EML6: variants seen among roughly 807,000 people sequenced by gnomAD.
EML6 encodes EMAP like 6, also known as echinoderm microtubule-associated protein-like 6.
A neutral mutation model predicts 240.1 loss-of-function variants in EML6; 154 were observed. That is an observed-to-expected ratio of 0.64 (90% CI 0.56 to 0.73). The LOEUF is 0.73. Among genes scored for constraint, EML6 ranks in the 30% least tolerant of loss-of-function variants. The pLI is 0.00. For missense variants in EML6, 2,964 were observed against 2,474.6 expected, an observed-to-expected ratio of 1.20 and a Z score of -4.20; for synonymous variants, 1,148 against 899.0, an observed-to-expected ratio of 1.28 and a Z score of -4.95.
intron 28 of EML6, among the ~76,000 whole-genome samples, chr2:54,932,479 C>G (rs573406798): frequency 6.6e-6 from 1 of 152,320 alleles, no homozygotes; most frequent in South Asian, 2.1e-4. Context: ...CCTTCCAAAC[C>G]TTCCCACCTC....
At chr2:54,899,377 A>G (rs1256209227) in intron 21 of EML6, among the ~76,000 whole-genome samples, 3 of 152,254 alleles carry the variant, frequency 2.0e-5, no homozygotes, top group East Asian at 3.8e-4. Flanking sequence ...GTTTGGCATC[A>G]TATAAACAAA....
At chr2:54,831,711 A>T (rs1204647251) in intron 7 of EML6, among the ~76,000 whole-genome samples, 1 of 152,128 alleles carries the variant, frequency 6.6e-6, no homozygotes, top group Non-Finnish European at 1.5e-5. Flanking sequence ...GGTAGCCTGC[A>T]TTTTGTAGGG....
chr2:54,731,408 G>T (rs1246658639), intron 2 of EML6, among the ~76,000 whole-genome samples: 1 of 152,156 alleles, frequency 6.6e-6, no homozygotes, highest in Non-Finnish European at 1.5e-5. Flanking sequence ...GGGAGGCTGA[G>T]GTGGGAGGAT....
At chr2:54,842,905 T>C (rs564138680) in intron 7 of EML6, among the ~76,000 whole-genome samples, 1 of 152,374 alleles carries the variant, frequency 6.6e-6, no homozygotes, top group Admixed American at 6.5e-5. Flanking sequence ...GTATTTTCAC[T>C]GATAAATGTT....
intron 2 of EML6, among the ~76,000 whole-genome samples, chr2:54,801,176 C>T (rs760610017): frequency 3.3e-5 from 5 of 151,774 alleles, no homozygotes; most frequent in East Asian, 3.9e-4. Flanking sequence ...AAAAATCAGC[C>T]GGGCATGGTG....
intron 2 of EML6, among the ~76,000 whole-genome samples, chr2:54,801,391 A>G (rs1020984475): frequency 1.3e-5 from 2 of 152,160 alleles, no homozygotes; most frequent in Non-Finnish European, 2.9e-5. Flanking sequence ...ATATGAAGTA[A>G]TGAAAAGTGG....
intron 26 of EML6, among the ~76,000 whole-genome samples, chr2:54,918,167 C>A (rs554491677): frequency 6.6e-6 from 1 of 152,260 alleles, no homozygotes; most frequent in South Asian, 2.1e-4. Flanking sequence ...AGTGTTCCAT[C>A]CTATCTGTAT....
chr2:54,841,099 AGGGGGG>A (rs5831323), intron 7 of EML6, among the ~76,000 whole-genome samples: 1 of 152,076 alleles, frequency 6.6e-6, no homozygotes, highest in Non-Finnish European at 1.5e-5. Context: ...CAGGACAAGG[AGGGGGG>A]GCTGTGGCAA....
intron 5 of EML6, among the ~76,000 whole-genome samples, chr2:54,822,536 T>C (rs898280486): frequency 2.0e-5 from 3 of 152,304 alleles, no homozygotes; most frequent in East Asian, 1.9e-4. Context: ...TTGAATAAAA[T>C]GTTACATCCA....
At chr2:54,834,946 C>G (rs1225447863) in intron 7 of EML6, among the ~76,000 whole-genome samples, 1 of 152,208 alleles carries the variant, frequency 6.6e-6, no homozygotes, top group Non-Finnish European at 1.5e-5. Context: ...TTGCTTTCCT[C>G]AAAACCCTGC....
intron 23 of EML6, 75 bp from the exon 24 acceptor site, chr2:54,903,296 T>G: frequency 6.5e-7 from 1 of 1,528,004 alleles, no homozygotes; most frequent in Non-Finnish European, 8.8e-7. Flanking sequence ...TTTTCCCACT[T>G]TTAAAATACT....
intron 2 of EML6, among the ~76,000 whole-genome samples, chr2:54,812,704 A>C (rs1322667708): frequency 6.6e-6 from 1 of 152,190 alleles, no homozygotes; most frequent in Non-Finnish European, 1.5e-5. Flanking sequence ...TGGAAACTTT[A>C]ACTTAAAATT....
At chr2:54,863,932 G>C in intron 13 of EML6, 43 bp downstream of exon 13, 1 of 1,061,780 alleles carries the variant, frequency 9.4e-7, no homozygotes, top group Non-Finnish European at 1.4e-6. Context: ...CCCCAGAAGG[G>C]GATCTCATTC....
chr2:54,964,138 A>G lies in EML6; in HGVS notation c.5310A>G (p.Lys1770=), dbSNP rs1676647775. The change falls in exon 37 of 42, where the codon AAA becomes AAG. Residue 1770 remains lysine, a synonymous_variant. Coordinates refer to ENST00000356458, the MANE Select transcript of EML6 (RefSeq NM_001039753.4). Reference sequence around the variant, plus strand: ...TTTGGGGGAAAAAACGAGACCGGAAATCTGCTATCCAAGATATCAGGTACC... The same window carrying G: ...TTTGGGGGAAAAAACGAGACCGGAAGTCTGCTATCCAAGATATCAGGTACC... The part of the protein sequence containing the change: ...LKVWGKKRDR[K]SAIQDIRISP... 3 of 1,551,568 alleles carry G rather than the reference A, an allele frequency of 1.9e-6. No homozygotes were observed. Among genetic ancestry groups the G allele is most frequent in the Admixed American group, 2.0e-5 (1 of 50,984 alleles).
At chr2:54,732,620 C>G (rs80048054) in intron 2 of EML6, among the ~76,000 whole-genome samples, 3,568 of 152,198 alleles carry the variant, frequency 0.023, 91 homozygotes, top group South Asian at 0.13. Flanking sequence ...ACTAACTTCT[C>G]CCATGTAGAA....
chr2:54,933,565 C>G (rs574048867), intron 28 of EML6, among the ~76,000 whole-genome samples: 1 of 152,192 alleles, frequency 6.6e-6, no homozygotes, highest in East Asian at 1.9e-4. Flanking sequence ...GAAACCCTGT[C>G]TCTCCTAAAA....
Position 54,959,084 on chromosome 2 carries a change from A to C in EML6, c.4696-20A>C. The C allele has an allele frequency of 1.3e-6, 2 of 1,544,280 alleles. No individual in the cohort carries two copies. The highest frequency in any genetic ancestry group is 1.7e-6 in the Non-Finnish European group (2 of 1,143,162). Reference sequence around the variant, plus strand: ...CGCTTGAGTGTGTTCCGGGTGTAGAAGATGTTGTTTTGTTTACAGAACAAT... The same window carrying C: ...CGCTTGAGTGTGTTCCGGGTGTAGACGATGTTGTTTTGTTTACAGAACAAT... On this transcript the variant is annotated intron_variant, in intron 33 of 41. Coordinates refer to ENST00000356458, the MANE Select transcript of EML6 (RefSeq NM_001039753.4).
At position 54,959,183 on chromosome 2, in the gene EML6, A is replaced by C. The variant is rs1676377572; in HGVS notation, c.4775A>C (p.Lys1592Thr). Residue 1592 changes from lysine (K) to threonine (T), a missense_variant, in exon 34 of 42, where the codon AAG (lysine) becomes ACG (threonine). Lys to Thr is a moderately conservative substitution (Grantham distance 78). Transcript: ENST00000356458. ...KDHFLIRLVA[K>T]AHTGPVFTMY... ...CACTTCCTCATCCGGCTGGTGGCCAAGGCTCACACAGGCCCCGTGTTCACA... is the reference window on the plus strand; with the variant it reads ...CACTTCCTCATCCGGCTGGTGGCCACGGCTCACACAGGCCCCGTGTTCACA... 1 of 1,551,562 alleles carries C rather than the reference A, an allele frequency of 6.4e-7. No homozygotes were observed. The highest frequency in any genetic ancestry group is 8.7e-7 in the Non-Finnish European group (1 of 1,146,992).
intron 2 of EML6, among the ~76,000 whole-genome samples, chr2:54,794,060 G>T (rs994163345): frequency 6.6e-6 from 1 of 152,134 alleles, no homozygotes; most frequent in African/African-American, 2.4e-5. Context: ...CACTTTGCTG[G>T]CAGTGTACTA....
Sources: gnomAD v4.1 joint callset for allele counts (sites outside exome capture counted in the v4.1 genomes callset) on GRCh38, gnomAD v4.1.1 for gene constraint, MANE v1.5 for transcripts, NCBI Gene and HGNC (gene_info 2026-07-23, HGNC 2026-07-21) for gene names.